Variants in SACM1L observed in about 807,000 individuals in gnomAD.
The protein encoded by SACM1L is phosphatidylinositol-3-phosphatase SAC1.
Under a neutral mutation model 89.5 loss-of-function variants are expected in SACM1L, and 32 were observed. That is an observed-to-expected ratio of 0.36 (90% CI 0.27 to 0.48). SACM1L has a LOEUF of 0.48. SACM1L is among the 20% of genes least tolerant of loss of function. The probability of loss-of-function intolerance (pLI) is 0.99; values close to 1 mark genes in which losing one functional copy is unlikely to be tolerated. For synonymous variants in SACM1L, 213 were observed against 232.8 expected (o/e 0.92, Z 0.77); for missense variants, 543 against 708.5 (o/e 0.77, Z 2.65).
intron 1 of SACM1L, among the ~76,000 whole-genome samples, chr3:45,691,195 A>C (rs1697978472): frequency 6.6e-6 from 1 of 152,222 alleles, no homozygotes; most frequent in Admixed American, 6.5e-5. Context: ...AACTGGGGTT[A>C]TGTGAAAGTC....
At chr3:45,715,314 C>A (rs187760886) in intron 7 of SACM1L, among the ~76,000 whole-genome samples, 1 of 152,262 alleles carries the variant, frequency 6.6e-6, no homozygotes, top group East Asian at 1.9e-4. Flanking sequence ...TATAATTTCA[C>A]TAAACTTAAT....
At chr3:45,710,384 G>T (rs1325699091) in intron 5 of SACM1L, among the ~76,000 whole-genome samples, 3 of 151,512 alleles carry the variant, frequency 2.0e-5, no homozygotes. Context: ...GTAGAGATGG[G>T]GTTTCGCCAT....
chr3:45,729,450 G>A (rs1033141381), intron 11 of SACM1L, among the ~76,000 whole-genome samples: 1 of 152,150 alleles, frequency 6.6e-6, no homozygotes, highest in African/African-American at 2.4e-5. Context: ...ATTTCAACCT[G>A]AAGGACTCCC....
chr3:45,710,500 CT>C (rs11413682), intron 5 of SACM1L, among the ~76,000 whole-genome samples: 63,843 of 133,836 alleles, frequency 0.48, 15,452 homozygotes, highest in Middle Eastern at 0.58. Flanking sequence ...CCCAGTCTGC[CT>C]TTTTTTTTTT....
chr3:45,735,510 A>T (rs1699178326), intron 14 of SACM1L, 137 bp downstream of exon 14: 1 of 817,458 alleles, frequency 1.2e-6, no homozygotes, highest in African/African-American at 1.7e-5. Context: ...TTGCCCATGG[A>T]TGTCACATTT....
chr3:45,714,890 T>G (rs2125693096), intron 7 of SACM1L, among the ~76,000 whole-genome samples: 1 of 152,354 alleles, frequency 6.6e-6, no homozygotes, highest in South Asian at 2.1e-4. Context: ...TGCCACATAC[T>G]GACATTTCAG....
At position 45,706,883 on chromosome 3, in the gene SACM1L, A is replaced by C; in HGVS notation, c.309A>C (p.Thr103=). The C allele has an allele frequency of 1.2e-6, 2 of 1,613,274 alleles. No homozygotes were observed. The highest frequency in any genetic ancestry group is 1.7e-6 in the Non-Finnish European group (2 of 1,179,568). The part of the protein sequence containing the change: ...TDFDVLSYKK[T]MLHLTDIQLQ... ...TTGATGTCCTTTCTTATAAGAAGAC[A>C]ATGTTGCACTTAACTGATATTCAGG... The change falls in exon 4 of 20, where the codon ACA becomes ACC. Residue 103 remains threonine (T), a synonymous_variant. Coordinates refer to ENST00000389061, the MANE Select transcript of SACM1L (RefSeq NM_014016.5).
intron 7 of SACM1L, among the ~76,000 whole-genome samples, chr3:45,715,071 T>C (rs911371686): frequency 3.3e-5 from 5 of 152,248 alleles, no homozygotes; most frequent in African/African-American, 1.2e-4. Context: ...TAAGGAGCGA[T>C]GGGCTATACC....
intron 4 of SACM1L, 62 bp downstream of exon 4, chr3:45,706,969 G>C: frequency 1.3e-6 from 2 of 1,508,274 alleles, no homozygotes; most frequent in Non-Finnish European, 1.8e-6. Context: ...CTGGGGAGAG[G>C]AGGGTGAGGG....
chr3:45,707,045 C>A, intron 4 of SACM1L, 138 bp downstream of exon 4: 1 of 643,480 alleles, frequency 1.6e-6, no homozygotes, highest in Non-Finnish European at 2.5e-6. Flanking sequence ...ACTCTACCTA[C>A]TTTTCTACCT....
At chr3:45,738,704 C>A in intron 17 of SACM1L, 33 bp downstream of exon 17, 1 of 1,535,308 alleles carries the variant, frequency 6.5e-7, no homozygotes, top group Non-Finnish European at 9.0e-7. Context: ...CCTGGCATTA[C>A]GTGGTTGTAT....
chr3:45,709,191 C>T (rs899651325), intron 4 of SACM1L, among the ~76,000 whole-genome samples: 1 of 152,078 alleles, frequency 6.6e-6, no homozygotes, highest in Non-Finnish European at 1.5e-5. Flanking sequence ...AGGTCATAAC[C>T]GAAGGTGATG....
chr3:45,723,018 C>G (rs1698822135), intron 10 of SACM1L, 63 bp downstream of exon 10: 2 of 1,252,462 alleles, frequency 1.6e-6, no homozygotes, highest in Non-Finnish European at 1.2e-6. Context: ...TTATAATTTG[C>G]ATGTAAAGAA....
intron 11 of SACM1L, among the ~76,000 whole-genome samples, chr3:45,724,062 T>C (rs987903663): frequency 4.6e-5 from 7 of 152,102 alleles, no homozygotes; most frequent in Non-Finnish European, 1.0e-4. Context: ...TTGGCTATTA[T>C]GAATAATGTT....
intron 7 of SACM1L, among the ~76,000 whole-genome samples, chr3:45,716,708 G>T (rs541705815): frequency 4.9e-4 from 75 of 152,182 alleles, no homozygotes; most frequent in African/African-American, 1.8e-3. Flanking sequence ...TGGGCCATGA[G>T]GGGGATGAGG....
chr3:45,694,471 T>C (rs1698075653), intron 1 of SACM1L, among the ~76,000 whole-genome samples: 1 of 152,164 alleles, frequency 6.6e-6, no homozygotes, highest in Non-Finnish European at 1.5e-5. Context: ...GTAGGGCAGC[T>C]CAGATTATTC....
intron 5 of SACM1L, 143 bp downstream of exon 5, chr3:45,709,790 T>A: frequency 1.4e-6 from 1 of 692,606 alleles, no homozygotes; most frequent in Non-Finnish European, 2.3e-6. Context: ...TACCCTGTTT[T>A]AAATATACAT....
At position 45,709,507 on chromosome 3, in the gene SACM1L, A is replaced by G; in HGVS notation, c.343A>G (p.Asn115Asp). 2 of 1,608,318 alleles carry G rather than the reference A, an allele frequency of 1.2e-6. No individual in the cohort carries two copies. Among genetic ancestry groups the G allele is most frequent in the South Asian group, 1.1e-5 (1 of 89,678 alleles). ...TTTTCTTTGTTTATAGTTACAAGAT[A>G]ATAAAACCTTCCTAGCGATGCTAAA... ...LHLTDIQLQDNKTFLAMLNHV... is the reference protein window; with the variant it reads ...LHLTDIQLQDDKTFLAMLNHV... The change falls in exon 5 of 20, where the codon AAT becomes GAT. Residue 115 changes from asparagine to aspartate, a missense_variant. Physicochemically the swap from Asn to Asp is conservative, Grantham distance 23. Around this residue, in one of 2 missense-constraint regions of SACM1L, gnomAD observed 173 missense variants for 180.9 expected, o/e 0.96. Transcript: ENST00000389061.
intron 1 of SACM1L, 43 bp from the exon 2 acceptor site, chr3:45,703,395 C>A (rs1032516791): frequency 3.8e-6 from 5 of 1,325,922 alleles, no homozygotes; most frequent in Non-Finnish European, 5.4e-6. Context: ...TAGAAGTCTT[C>A]ATTTCATTTG....
Sources: allele counts gnomAD v4.1 joint callset (sites outside exome capture counted in the v4.1 genomes callset), GRCh38; gene constraint gnomAD v4.1.1; regional missense constraint gnomAD v4.1.1; transcripts MANE v1.5; gene names NCBI Gene and HGNC (gene_info 2026-07-23, HGNC 2026-07-21).